Variants in MAPDA observed in about 807,000 individuals in gnomAD.
MAPDA encodes N6,N6-dimethyl-AMP deaminase.
the MAPDA span, among the ~76,000 whole-genome samples, chr15:43,337,202 G>A: frequency 9.9e-5 from 15 of 151,574 alleles, no homozygotes; most frequent in African/African-American, 3.6e-4. Context: ...TGTGAACCCG[G>A]GAGGTGGAGC....
chr15:43,342,442 C>CT, the MAPDA span, among the ~76,000 whole-genome samples: 3 of 145,194 alleles, frequency 2.1e-5, no homozygotes. Context: ...GAAAATATCC[C>CT]TTTTAAAAAA....
At chr15:43,335,193 C>T in the MAPDA span, 1 of 1,610,018 alleles carries the variant, frequency 6.2e-7, no homozygotes, top group Non-Finnish European at 8.5e-7. Flanking sequence ...CTACAGAAAT[C>T]TTGAGTGGTT....
the MAPDA span, chr15:43,335,294 G>A: frequency 1.7e-4 from 160 of 964,232 alleles, 1 homozygote; most frequent in South Asian, 1.0e-3. Flanking sequence ...TGGCGCTTTG[G>A]GAGGCCAAGG....
the MAPDA span, chr15:43,351,127 T>C: frequency 7.6e-7 from 1 of 1,314,246 alleles, no homozygotes; most frequent in Non-Finnish European, 1.1e-6. Context: ...CTGACTGCCT[T>C]GCATGCCTGA....
the MAPDA span, among the ~76,000 whole-genome samples, chr15:43,342,815 T>C: frequency 6.6e-6 from 1 of 152,164 alleles, no homozygotes; most frequent in East Asian, 1.9e-4. Context: ...CCTAATTTTA[T>C]TAAAATATAA....
chr15:43,346,769 A>G, the MAPDA span, among the ~76,000 whole-genome samples: 1 of 152,172 alleles, frequency 6.6e-6, no homozygotes, highest in Non-Finnish European at 1.5e-5. Context: ...TACTATATCC[A>G]GCTTAGCTGA....
the MAPDA span, among the ~76,000 whole-genome samples, chr15:43,339,898 C>T: frequency 6.6e-6 from 1 of 152,318 alleles, no homozygotes; most frequent in Non-Finnish European, 1.5e-5. Context: ...CATTTCCTAG[C>T]AGTCTACACA....
chr15:43,336,453 T>A, the MAPDA span, among the ~76,000 whole-genome samples: 1 of 152,194 alleles, frequency 6.6e-6, no homozygotes, highest in Non-Finnish European at 1.5e-5. Context: ...CAGTAATGTT[T>A]TATTTTCTAT....
At chr15:43,335,847 G>A in the MAPDA span, 1 of 1,594,752 alleles carries the variant, frequency 6.3e-7, no homozygotes, top group Non-Finnish European at 8.5e-7. Context: ...GGAGGTTGTG[G>A]ACATACTCCT....
chr15:43,348,969 T>C, the MAPDA span: 1 of 1,614,168 alleles, frequency 6.2e-7, no homozygotes. Context: ...GAATCGGGCA[T>C]GGAACATTTC....
chr15:43,341,685 C>T, the MAPDA span, among the ~76,000 whole-genome samples: 1 of 151,912 alleles, frequency 6.6e-6, no homozygotes, highest in Non-Finnish European at 1.5e-5. Context: ...TCTATGGGCT[C>T]CAAGGGCTGC....
At chr15:43,340,491 A>C in the MAPDA span, 1 of 661,246 alleles carries the variant, frequency 1.5e-6, no homozygotes, top group Non-Finnish European at 2.6e-6. Flanking sequence ...TTTAGTCAAC[A>C]GTCCAAGTCC....
At chr15:43,338,946 G>A in the MAPDA span, among the ~76,000 whole-genome samples, 2 of 152,210 alleles carry the variant, frequency 1.3e-5, no homozygotes, top group African/African-American at 4.8e-5. Context: ...CACTGAAAAG[G>A]ACTACTATTT....
At chr15:43,347,756 T>TATTGTATTA in the MAPDA span, among the ~76,000 whole-genome samples, 4 of 152,228 alleles carry the variant, frequency 2.6e-5, no homozygotes, top group Non-Finnish European at 5.9e-5. Context: ...ACCTCACAGT[T>TATTGTATTA]ATTGTATTAA....
the MAPDA span, chr15:43,335,290 T>C: frequency 9.8e-7 from 1 of 1,016,452 alleles, no homozygotes; most frequent in East Asian, 2.6e-5. Flanking sequence ...ATTCTGGCGC[T>C]TTGGGAGGCC....
At chr15:43,348,916 C>CA in the MAPDA span, 11 of 1,611,954 alleles carry the variant, frequency 6.8e-6, no homozygotes, top group Middle Eastern at 1.7e-4. Flanking sequence ...GATTCCAAAC[C>CA]AAAAAAAAGA....
At chr15:43,351,795 CCA>C in the MAPDA span, 1 of 1,551,362 alleles carries the variant, frequency 6.4e-7, no homozygotes, top group East Asian at 2.4e-5. Flanking sequence ...CTCAAGAGTA[CCA>C]GCTGGCAGCT....
At chr15:43,346,931 T>G in the MAPDA span, 5 of 1,003,030 alleles carry the variant, frequency 5.0e-6, no homozygotes, top group Non-Finnish European at 7.8e-6. Context: ...TTTTCTGCCA[T>G]TATGTTGTTT....
chr15:43,343,531 C>A, the MAPDA span, among the ~76,000 whole-genome samples: 1 of 152,202 alleles, frequency 6.6e-6, no homozygotes, highest in Non-Finnish European at 1.5e-5. Flanking sequence ...GGCTTCTTCT[C>A]ATTATTCAGA....
Sources: gnomAD v4.1 joint callset for allele counts (sites outside exome capture counted in the v4.1 genomes callset) on GRCh38, gnomAD v4.1.1 for gene constraint, MANE v1.5 for transcripts, NCBI Gene and HGNC (gene_info 2026-07-23, HGNC 2026-07-21) for gene names.